LHFPL3: variants seen among roughly 807,000 people sequenced by gnomAD.
The protein encoded by LHFPL3 is LHFPL tetraspan subfamily member 3.
In LHFPL3, 5 loss-of-function variants were observed where a neutral mutation model predicts 19.3. The ratio of observed to expected loss-of-function variants is 0.26; its 90% CI spans 0.14 to 0.54. The LOEUF is 0.54. LHFPL3 is among the 20% of genes least tolerant of loss of function. The probability of loss-of-function intolerance (pLI) is 0.94; values close to 1 mark genes in which losing one functional copy is unlikely to be tolerated. For missense variants in LHFPL3, 249 were observed against 307.4 expected, an observed-to-expected ratio of 0.81 and a Z score of 1.42; for synonymous variants, 133 against 126.2, an observed-to-expected ratio of 1.05 and a Z score of -0.36.
intron 1 of LHFPL3, among the ~76,000 whole-genome samples, chr7:104,735,832 G>T (rs1793804909): frequency 6.6e-6 from 1 of 152,156 alleles, no homozygotes; most frequent in Non-Finnish European, 1.5e-5. Context: ...TTCCTATTCA[G>T]CCATTTTGGA....
rs988972768 is a variant in LHFPL3, at chr7:104,866,184, C to G, written c.683-40003C>G. On this transcript the variant is annotated intron_variant, in intron 2 of 2. Coordinates refer to ENST00000424859, the MANE Select transcript of LHFPL3 (RefSeq NM_199000.3). ...TGCGTCAACTAACGAGCAAAATAAC[C>G]AGCTAACATCATAATGACAGGATCA... 1.7e-3 allele frequency among the ~76,000 whole-genome samples: 261 copies of G among 152,272 alleles called. 2 individuals carry two copies. The highest frequency in any genetic ancestry group is 6.0e-3 in the African/African-American group (251 of 41,552).
intron 1 of LHFPL3, among the ~76,000 whole-genome samples, chr7:104,439,556 T>C (rs959978287): frequency 6.6e-6 from 1 of 152,120 alleles, no homozygotes; most frequent in Non-Finnish European, 1.5e-5. Context: ...GATTATCTCA[T>C]TACATGCCAT....
At chr7:104,730,754 A>G (rs1793684663) in intron 1 of LHFPL3, among the ~76,000 whole-genome samples, 1 of 152,086 alleles carries the variant, frequency 6.6e-6, no homozygotes, top group Non-Finnish European at 1.5e-5. Context: ...CTTTAATTAG[A>G]TCCCATTTGT....
intron 1 of LHFPL3, among the ~76,000 whole-genome samples, chr7:104,411,930 T>C (rs537330144): frequency 2.0e-5 from 3 of 152,314 alleles, no homozygotes; most frequent in Non-Finnish European, 4.4e-5. Context: ...ATTCAAAAGG[T>C]AGGACTAAAG....
chr7:104,455,523 C>G (rs1792522460), intron 1 of LHFPL3, among the ~76,000 whole-genome samples: 1 of 152,164 alleles, frequency 6.6e-6, no homozygotes, highest in African/African-American at 2.4e-5. Context: ...GAGTTTGAAA[C>G]TAGCCTGGCC....
chr7:104,392,403 T>G (rs1461171105), intron 1 of LHFPL3, among the ~76,000 whole-genome samples: 2 of 152,116 alleles, frequency 1.3e-5, no homozygotes, highest in African/African-American at 4.8e-5. Context: ...GAAGGGCTGT[T>G]GAATTTTGTC....
chr7:104,651,302 T>A (rs1031787066), intron 1 of LHFPL3, among the ~76,000 whole-genome samples: 8 of 152,270 alleles, frequency 5.3e-5, no homozygotes, highest in African/African-American at 1.9e-4. Context: ...TTGTCTGGAC[T>A]GCTTATTGCT....
intron 1 of LHFPL3, among the ~76,000 whole-genome samples, chr7:104,484,002 C>G (rs1164033047): frequency 1.3e-5 from 2 of 152,192 alleles, no homozygotes; most frequent in Admixed American, 6.5e-5. Context: ...TACATGGCAA[C>G]TTTATTAGTA....
At chr7:104,494,951 A>G (rs1793431436) in intron 1 of LHFPL3, among the ~76,000 whole-genome samples, 1 of 152,070 alleles carries the variant, frequency 6.6e-6, no homozygotes, top group African/African-American at 2.4e-5. Context: ...CCGACCATCC[A>G]TCCCTTGAAC....
intron 2 of LHFPL3, among the ~76,000 whole-genome samples, chr7:104,742,741 G>T (rs181441169): frequency 2.6e-4 from 39 of 152,274 alleles, no homozygotes; most frequent in Admixed American, 2.4e-3. Context: ...ATCTTCAGAG[G>T]TGTTCTTTAA....
At chr7:104,621,437 A>G (rs1359057541) in intron 1 of LHFPL3, among the ~76,000 whole-genome samples, 1 of 152,240 alleles carries the variant, frequency 6.6e-6, no homozygotes, top group Non-Finnish European at 1.5e-5. Flanking sequence ...ATTACTTTCC[A>G]TTCCACCAGA....
rs147505537 is a variant in LHFPL3, at chr7:104,445,297, GTCAAGGACA to G, written c.445+116077_445+116085del. ...ATAGTGATATGGTACAGACATAAGA[GTCAAGGACA>G]TCAGTTCTGGAATCAGAGTTCCTGG... On this transcript the variant is annotated intron_variant, in intron 1 of 2. Transcript: ENST00000424859. Among the ~76,000 whole-genome samples the G allele has an allele frequency of 8.7e-3, 1,319 of 152,302 alleles. 20 individuals are homozygous for G. Among genetic ancestry groups the G allele is most frequent in the African/African-American group, 0.031 (1,268 of 41,568 alleles).
In LHFPL3 at chr7:104,668,554, G is replaced by A. The variant is rs181868552; in HGVS notation, c.446-68121G>A. 2.0e-4 allele frequency: 319 copies of A among 1,613,062 alleles called. 1 individual carries two copies. In the African/African-American group the frequency reaches 3.2e-3, roughly 16 times the overall value. ...GACTATGATAGAGGCTATGATTCCC[G>A]GATAGGCAGTGGCAGAAGAGCATTT... is the stretch of plus-strand genomic sequence containing the variant. On this transcript the variant is annotated intron_variant, in intron 1 of 2. Coordinates refer to ENST00000424859, the MANE Select transcript of LHFPL3 (RefSeq NM_199000.3).
intron 2 of LHFPL3, among the ~76,000 whole-genome samples, chr7:104,808,481 G>A (rs1790408568): frequency 2.0e-5 from 3 of 152,146 alleles, no homozygotes; most frequent in African/African-American, 7.2e-5. Flanking sequence ...TGTGCCTGGT[G>A]ACTAGCTGCG....
At chr7:104,787,163 C>G (rs182892643) in intron 2 of LHFPL3, among the ~76,000 whole-genome samples, 7 of 152,272 alleles carry the variant, frequency 4.6e-5, no homozygotes, top group African/African-American at 1.4e-4. Context: ...ATTACTGAAG[C>G]CCCATGTTAT....
intron 1 of LHFPL3, among the ~76,000 whole-genome samples, chr7:104,593,932 G>T (rs1444478769): frequency 6.6e-6 from 1 of 151,922 alleles, no homozygotes; most frequent in African/African-American, 2.4e-5. Context: ...TTGAGCCTAT[G>T]TGCGTCTTTG....
chr7:104,866,558 G>C (rs548882968), intron 2 of LHFPL3, among the ~76,000 whole-genome samples: 4 of 152,268 alleles, frequency 2.6e-5, no homozygotes, highest in Non-Finnish European at 5.9e-5. Context: ...CAATACAGGA[G>C]CACCCAGATT....
chr7:104,533,335 A>C (rs1794337844), intron 1 of LHFPL3, among the ~76,000 whole-genome samples: 1 of 152,046 alleles, frequency 6.6e-6, no homozygotes. Context: ...TCCTTCATCC[A>C]CATGGGAGTA....
chr7:104,449,149 A>G (rs1000973416), intron 1 of LHFPL3, among the ~76,000 whole-genome samples: 1 of 152,244 alleles, frequency 6.6e-6, no homozygotes, highest in African/African-American at 2.4e-5. Flanking sequence ...CTGCGGAGAC[A>G]GTGGTGAGGA....
Sources: allele counts gnomAD v4.1 joint callset (sites outside exome capture counted in the v4.1 genomes callset), GRCh38; gene constraint gnomAD v4.1.1; transcripts MANE v1.5; gene names NCBI Gene and HGNC (gene_info 2026-07-23, HGNC 2026-07-21).